Variants in BTBD7 observed in about 807,000 individuals in gnomAD.
BTBD7 encodes the protein BTB/POZ domain-containing protein 7.
Under a neutral mutation model 99.9 loss-of-function variants are expected in BTBD7, and 38 were observed. That is an observed-to-expected ratio of 0.38 (90% CI 0.29 to 0.50). The LOEUF is 0.50. BTBD7 is among the 20% of genes least tolerant of loss of function. BTBD7 has a pLI of 0.93. For missense variants in BTBD7, 1,170 were observed against 1,394.6 expected, an observed-to-expected ratio of 0.84 and a Z score of 2.57; for synonymous variants, 520 against 511.4, an observed-to-expected ratio of 1.02 and a Z score of -0.23.
chr14:93,322,283 T>G (rs1031156847), intron 1 of BTBD7, among the ~76,000 whole-genome samples: 1 of 152,066 alleles, frequency 6.6e-6, no homozygotes, highest in African/African-American at 2.4e-5. Context: ...CTGGCTAATT[T>G]TTAAACTTTT....
At chr14:93,330,506 C>T (rs975810913) in intron 1 of BTBD7, among the ~76,000 whole-genome samples, 3 of 152,164 alleles carry the variant, frequency 2.0e-5, no homozygotes, top group African/African-American at 7.2e-5. Context: ...TGTATACCAA[C>T]AGCATTCTTT....
intron 3 of BTBD7, among the ~76,000 whole-genome samples, chr14:93,264,778 A>G (rs536488010): frequency 2.1e-4 from 32 of 152,270 alleles, no homozygotes; most frequent in African/African-American, 7.7e-4. Context: ...ATAATGTGAA[A>G]ACAAACAAAC....
chr14:93,302,960 C>T (rs1481384660), intron 1 of BTBD7, among the ~76,000 whole-genome samples: 1 of 152,126 alleles, frequency 6.6e-6, no homozygotes, highest in Non-Finnish European at 1.5e-5. Context: ...TTGCAGTGAG[C>T]TATGAGCATG....
At chr14:93,247,453 T>C (rs938263357) in intron 9 of BTBD7, among the ~76,000 whole-genome samples, 2 of 152,198 alleles carry the variant, frequency 1.3e-5, no homozygotes, top group Admixed American at 1.3e-4. Context: ...GTTCAAGCGA[T>C]TCTCTTGCCT....
intron 1 of BTBD7, among the ~76,000 whole-genome samples, chr14:93,331,082 G>A (rs776005523): frequency 2.6e-5 from 4 of 151,644 alleles, no homozygotes; most frequent in African/African-American, 9.7e-5. Flanking sequence ...ATATCACTCC[G>A]TTTTTATTAA....
At chr14:93,310,519 T>C (rs188385450) in intron 1 of BTBD7, among the ~76,000 whole-genome samples, 1 of 152,278 alleles carries the variant, frequency 6.6e-6, no homozygotes, top group Admixed American at 6.5e-5. Flanking sequence ...TGCTTCTGAC[T>C]CTTGTATTTA....
At chr14:93,308,352 A>T (rs1302758781) in intron 1 of BTBD7, among the ~76,000 whole-genome samples, 1 of 152,044 alleles carries the variant, frequency 6.6e-6, no homozygotes, top group African/African-American at 2.4e-5. Context: ...AAGATTTCCC[A>T]GCAAAAAGCC....
At chr14:93,285,274 T>C (rs1336665972) in intron 3 of BTBD7, among the ~76,000 whole-genome samples, 1 of 152,174 alleles carries the variant, frequency 6.6e-6, no homozygotes, top group Non-Finnish European at 1.5e-5. Context: ...CCACACACTC[T>C]TGGAAAGTGA....
At chr14:93,258,391 T>C (rs1384175472) in intron 5 of BTBD7, among the ~76,000 whole-genome samples, 1 of 152,088 alleles carries the variant, frequency 6.6e-6, no homozygotes, top group East Asian at 1.9e-4. Flanking sequence ...AAATATTTTT[T>C]TTTCTTAAAG....
At chr14:93,276,783 C>T (rs2052660511) in intron 3 of BTBD7, among the ~76,000 whole-genome samples, 3 of 151,786 alleles carry the variant, frequency 2.0e-5, no homozygotes, top group African/African-American at 7.2e-5. Context: ...GGAAAAGCAG[C>T]TGAAAACTTC....
At chr14:93,311,576 AG>A (rs2053138240) in intron 1 of BTBD7, among the ~76,000 whole-genome samples, 1 of 152,176 alleles carries the variant, frequency 6.6e-6, no homozygotes, top group Non-Finnish European at 1.5e-5. Flanking sequence ...TCAGGTTTAT[AG>A]GGTTTTTACT....
chr14:93,282,635 C>G (rs919332708), intron 3 of BTBD7, among the ~76,000 whole-genome samples: 1 of 152,004 alleles, frequency 6.6e-6, no homozygotes, highest in African/African-American at 2.4e-5. Context: ...CCGGCCTATG[C>G]TTGGTTTTAA....
intron 3 of BTBD7, 72 bp downstream of exon 3, chr14:93,293,786 C>T: frequency 2.6e-6 from 4 of 1,513,170 alleles, no homozygotes; most frequent in Admixed American, 4.4e-5. Flanking sequence ...ATAGAATATA[C>T]TGGTTGTGTT....
Position 93,276,892 on chromosome 14 carries a change from ATTTTTTTT to A in BTBD7, c.1163-12907_1163-12900del, listed in dbSNP as rs549579457. Among the ~76,000 whole-genome samples, 571 of 80,418 alleles carry A rather than the reference ATTTTTTTT, an allele frequency of 7.1e-3. 3 individuals are homozygous for A. The highest frequency in any genetic ancestry group is 0.015 in the African/African-American group (305 of 19,974). The allele number at this position is 80,418 out of a possible 152,430, so 52.8% of individuals were successfully genotyped here. ...CCACGACACACACACACACAGATTA[ATTTTTTTT>A]TTTTTTTTTTTTTTTTTTTGAGATG... is the stretch of plus-strand genomic sequence containing the variant. On this transcript the variant is annotated intron_variant, in intron 3 of 10. Coordinates refer to ENST00000334746, the MANE Select transcript of BTBD7 (RefSeq NM_001002860.4).
chr14:93,242,558 G>T lies in BTBD7; in HGVS notation c.3114C>A (p.Asp1038Glu). ...CATTTTCTGGGGCTGCCAAAGGAAA[G>T]TCTGACCGCTGGGGAGGTTGCTCAA... ...DVVEQPPQRS[D>E]FPLAAPENAS... The change falls in exon 11 of 11, where the codon GAC becomes GAA. Residue 1038 changes from aspartate (D) to glutamate (E), a missense_variant. Asp to Glu is a conservative substitution (Grantham distance 45, BLOSUM62 2). Transcript: ENST00000334746. The T allele has an allele frequency of 1.2e-6, 2 of 1,614,242 alleles. No homozygotes were observed. The highest frequency in any genetic ancestry group is 2.2e-5 in the South Asian group (2 of 91,088).
rs768532376 is a variant in BTBD7 at position 93,324,421 on chromosome 14, C to CA, written c.-107+8398dup. On this transcript the variant is annotated intron_variant, in intron 1 of 10. Transcript: ENST00000334746. ...TGGGTGACAGAGCGAGACCCTGTCT[C>CA]AAAAAAAAAAAAAAGAGATTTTTGA... Among the ~76,000 whole-genome samples the CA allele has an allele frequency of 9.1e-3, 817 of 89,854 alleles. 2 individuals are homozygous for CA. Among genetic ancestry groups the CA allele is most frequent in the African/African-American group, 0.038 (572 of 15,218 alleles). The allele number at this position is 89,854 out of a possible 152,430, so 58.9% of individuals were successfully genotyped here. A position where few individuals can be genotyped will look rare whatever the true frequency, so the allele number is the denominator to read the frequency against.
intron 1 of BTBD7, among the ~76,000 whole-genome samples, chr14:93,305,015 T>C (rs1015440739): frequency 4.6e-5 from 7 of 152,220 alleles, no homozygotes; most frequent in African/African-American, 1.7e-4. Context: ...TCCAAACTGT[T>C]AGATCATTAA....
intron 1 of BTBD7, among the ~76,000 whole-genome samples, chr14:93,315,140 G>A (rs2053184550): frequency 6.6e-6 from 1 of 152,050 alleles, no homozygotes; most frequent in Admixed American, 6.6e-5. Flanking sequence ...AAATATTTAA[G>A]CAGTTAGGAC....
intron 1 of BTBD7, among the ~76,000 whole-genome samples, chr14:93,304,567 G>T (rs1400505183): frequency 6.6e-6 from 1 of 152,112 alleles, no homozygotes; most frequent in Non-Finnish European, 1.5e-5. Context: ...GGCCAGGCTG[G>T]TCTCAAACTC....
Sources: gnomAD v4.1 joint callset for allele counts (sites outside exome capture counted in the v4.1 genomes callset) on GRCh38, gnomAD v4.1.1 for gene constraint, MANE v1.5 for transcripts, NCBI Gene and HGNC (gene_info 2026-07-23, HGNC 2026-07-21) for gene names.